Variants in CASD1 observed in about 807,000 individuals in gnomAD.
CASD1 encodes N-acetylneuraminate (7)9-O-acetyltransferase.
Under a neutral mutation model 100.0 loss-of-function variants are expected in CASD1, and 41 were observed. The ratio of observed to expected loss-of-function variants is 0.41; its 90% CI spans 0.32 to 0.53. CASD1 has a LOEUF of 0.53. Among genes scored for constraint, CASD1 ranks in the 20% least tolerant of loss-of-function variants. The pLI, the probability that CASD1 is intolerant of heterozygous loss-of-function variation, is 0.25. For synonymous variants in CASD1, 321 were observed against 315.6 expected (o/e 1.02, Z -0.18); for missense variants, 774 against 948.7 (o/e 0.82, Z 2.42).
the CASD1 span, among the ~76,000 whole-genome samples, chr7:94,571,017 A>T: frequency 6.8e-6 from 1 of 148,020 alleles, no homozygotes; most frequent in African/African-American, 2.5e-5. Context: ...GCTTTTCTTT[A>T]TCTGGAAATG....
the CASD1 span, among the ~76,000 whole-genome samples, chr7:94,606,954 T>C: frequency 6.6e-6 from 1 of 152,186 alleles, no homozygotes; most frequent in African/African-American, 2.4e-5. Flanking sequence ...GTTTACAATT[T>C]GGCAAAAGCA....
chr7:94,594,906 C>A, the CASD1 span, among the ~76,000 whole-genome samples: 1 of 152,090 alleles, frequency 6.6e-6, no homozygotes, highest in Non-Finnish European at 1.5e-5. Flanking sequence ...AAATGAAACA[C>A]CTCATTTCTA....
At chr7:94,545,217 A>G (rs1795617459) in intron 11 of CASD1, among the ~76,000 whole-genome samples, 1 of 152,104 alleles carries the variant, frequency 6.6e-6, no homozygotes, top group Admixed American at 6.5e-5. Context: ...TTCTTAAGAT[A>G]ATCTAATCTA....
At chr7:94,603,580 G>A in the CASD1 span, 2 of 804,428 alleles carry the variant, frequency 2.5e-6, no homozygotes, top group Non-Finnish European at 4.1e-6. Context: ...TGAGGTAGGG[G>A]CCTCGGCTCT....
intron 17 of CASD1, 92 bp from the exon 18 acceptor site, chr7:94,555,399 GT>G (rs1342617829): frequency 1.3e-5 from 16 of 1,274,186 alleles, no homozygotes; most frequent in Non-Finnish European, 1.5e-5. Context: ...GCCTTCTAAT[GT>G]TATTATGCAA....
At chr7:94,600,714 C>T in the CASD1 span, 10 of 1,613,856 alleles carry the variant, frequency 6.2e-6, no homozygotes, top group South Asian at 7.7e-5. Context: ...CTGCCGAGGG[C>T]ACAGCCAGTG....
chr7:94,588,060 C>A, the CASD1 span: 1 of 1,342,814 alleles, frequency 7.4e-7, no homozygotes, highest in Non-Finnish European at 9.5e-7. Flanking sequence ...AATTAGAAGA[C>A]AATCATGAAT....
At chr7:94,539,339 G>T (rs1453307615) in intron 10 of CASD1, among the ~76,000 whole-genome samples, 1 of 152,100 alleles carries the variant, frequency 6.6e-6, no homozygotes, top group African/African-American at 2.4e-5. Flanking sequence ...ATTATTTTAT[G>T]CCATCTTATT....
At chr7:94,520,404 A>G (rs1433474691) in intron 3 of CASD1, among the ~76,000 whole-genome samples, 1 of 152,210 alleles carries the variant, frequency 6.6e-6, no homozygotes, top group Admixed American at 6.5e-5. Flanking sequence ...AAATTTTTTT[A>G]AAAAGAGACT....
chr7:94,600,784 T>C, the CASD1 span: 3 of 1,613,572 alleles, frequency 1.9e-6, no homozygotes, highest in Non-Finnish European at 2.5e-6. Flanking sequence ...GGGTTTGTAT[T>C]CTCCACCATC....
At chr7:94,573,684 T>C in the CASD1 span, among the ~76,000 whole-genome samples, 2 of 152,230 alleles carry the variant, frequency 1.3e-5, no homozygotes, top group Non-Finnish European at 2.9e-5. Flanking sequence ...AACAGAATAG[T>C]TTGATATCCA....
chr7:94,580,516 CAAGT>C, the CASD1 span, among the ~76,000 whole-genome samples: 8 of 152,272 alleles, frequency 5.3e-5, no homozygotes, highest in Non-Finnish European at 1.0e-4. Context: ...TCTAATTACT[CAAGT>C]AAGATATGAA....
chr7:94,583,087 CTCACT>C, the CASD1 span, among the ~76,000 whole-genome samples: 1 of 152,168 alleles, frequency 6.6e-6, no homozygotes, highest in Non-Finnish European at 1.5e-5. Flanking sequence ...TGTCACTCAC[CTCACT>C]TATTTGCTAT....
chr7:94,584,705 C>T, the CASD1 span, among the ~76,000 whole-genome samples: 1 of 152,278 alleles, frequency 6.6e-6, no homozygotes, highest in South Asian at 2.1e-4. Flanking sequence ...CCACACTGAT[C>T]CAGTAGTATC....
At chr7:94,576,658 C>T in the CASD1 span, among the ~76,000 whole-genome samples, 139 of 152,296 alleles carry the variant, frequency 9.1e-4, no homozygotes, top group South Asian at 6.2e-3. Context: ...ACCAAGGCTT[C>T]GGTGAGCTTT....
chr7:94,535,580 C>A, intron 8 of CASD1, 57 bp downstream of exon 8: 3 of 1,225,484 alleles, frequency 2.4e-6, no homozygotes, highest in Middle Eastern at 2.1e-4. Flanking sequence ...TTGCTTTAAG[C>A]CATAAGTCAT....
At chr7:94,588,247 C>G in the CASD1 span, 1 of 1,038,204 alleles carries the variant, frequency 9.6e-7, no homozygotes, top group Non-Finnish European at 1.2e-6. Flanking sequence ...GCTTTAAAAC[C>G]AGGCCAGCCA....
At chr7:94,581,721 C>T in the CASD1 span, among the ~76,000 whole-genome samples, 1 of 152,220 alleles carries the variant, frequency 6.6e-6, no homozygotes, top group African/African-American at 2.4e-5. Context: ...CTTTTTATGG[C>T]TGCATAGTAG....
chr7:94,557,803 A>G (rs1796257360), downstream of CASD1, among the ~76,000 whole-genome samples: 2 of 151,876 alleles, frequency 1.3e-5, no homozygotes, highest in Non-Finnish European at 1.5e-5. Context: ...AGTTAAAAAT[A>G]TTTTTTATAT....
Sources: gnomAD v4.1 joint callset for allele counts (sites outside exome capture counted in the v4.1 genomes callset) on GRCh38, gnomAD v4.1.1 for gene constraint, MANE v1.5 for transcripts, NCBI Gene and HGNC (gene_info 2026-07-23, HGNC 2026-07-21) for gene names.